The following PAPSS1 variants were observed in gnomAD, a reference collection of about 807,000 sequenced individuals.
PAPSS1 encodes the protein 3'-phosphoadenosine 5'-phosphosulfate synthase 1.
A neutral mutation model predicts 72.0 loss-of-function variants in PAPSS1; 50 were observed. That is an observed-to-expected ratio of 0.69 (90% CI 0.55 to 0.88). The LOEUF (loss-of-function observed/expected upper bound fraction) is 0.88. Among genes scored for constraint, PAPSS1 ranks in the 40% least tolerant of loss-of-function variants. PAPSS1 has a pLI of 0.00. For missense variants in PAPSS1, 657 were observed against 782.2 expected (o/e 0.84, Z 1.91); for synonymous variants, 261 against 263.6 (o/e 0.99, Z 0.09).
intron 1 of PAPSS1, among the ~76,000 whole-genome samples, chr4:107,713,351 C>T (rs540457658): frequency 2.6e-5 from 4 of 152,224 alleles, no homozygotes; most frequent in Admixed American, 1.3e-4. Context: ...TGGGGAATGA[C>T]TACTAATGGG....
intron 9 of PAPSS1, among the ~76,000 whole-genome samples, chr4:107,648,362 G>A (rs1049993356): frequency 2.0e-5 from 3 of 152,146 alleles, no homozygotes; most frequent in South Asian, 2.1e-4. Context: ...AGTGCAGAGC[G>A]ACCCAGACTC....
intron 11 of PAPSS1, among the ~76,000 whole-genome samples, chr4:107,628,625 T>A (rs1200997299): frequency 6.6e-6 from 1 of 152,256 alleles, no homozygotes; most frequent in African/African-American, 2.4e-5. Context: ...GCTTGTTGTA[T>A]TATCTGTTTG....
chr4:107,626,873 A>G (rs1726113965), intron 11 of PAPSS1, among the ~76,000 whole-genome samples: 1 of 152,226 alleles, frequency 6.6e-6, no homozygotes, highest in Admixed American at 6.5e-5. Flanking sequence ...AAAAGTTAGA[A>G]AACTAAGGCA....
chr4:107,673,426 G>C (rs953677101), intron 5 of PAPSS1, among the ~76,000 whole-genome samples: 1 of 152,190 alleles, frequency 6.6e-6, no homozygotes. Flanking sequence ...AGAAGCCTCA[G>C]TAGCCGATTC....
intron 1 of PAPSS1, among the ~76,000 whole-genome samples, chr4:107,719,344 T>C (rs1723716676): frequency 6.6e-6 from 1 of 152,132 alleles, no homozygotes; most frequent in Non-Finnish European, 1.5e-5. Flanking sequence ...GCTGCACACT[T>C]ACAAAGGAAG....
At position 107,660,021 on chromosome 4, in the gene PAPSS1, C is replaced by G; in HGVS notation, c.721G>C (p.Glu241Gln). 6.2e-7 allele frequency: 1 copy of G among 1,607,740 alleles called. No homozygotes were observed. Among genetic ancestry groups the G allele is most frequent in the Non-Finnish European group, 8.5e-7 (1 of 1,176,336 alleles). The change falls in exon 6 of 12, where the codon GAA becomes CAA. Residue 241 changes from glutamate (E) to glutamine (Q), a missense_variant. Glu to Gln is a conservative substitution (Grantham distance 29). Coordinates refer to ENST00000265174, the MANE Select transcript of PAPSS1 (RefSeq NM_005443.5). ...SYEVKELYVPENKLHLAKTDA... is the reference protein window; with the variant it reads ...SYEVKELYVPQNKLHLAKTDA... ...GTTTTTGCCAAATGAAGTTTATTTT[C>G]TGGCACATATAGTTCTTTTACTTCA...
chr4:107,700,779 T>G (rs1212847810), intron 2 of PAPSS1, among the ~76,000 whole-genome samples: 2 of 152,186 alleles, frequency 1.3e-5, no homozygotes, highest in Non-Finnish European at 2.9e-5. Context: ...TCCAGAACTA[T>G]GAGAAATAAA....
intron 1 of PAPSS1, among the ~76,000 whole-genome samples, chr4:107,707,292 G>A (rs1723362098): frequency 6.6e-6 from 1 of 152,148 alleles, no homozygotes; most frequent in Non-Finnish European, 1.5e-5. Context: ...GCCTGCCTGT[G>A]ACAGCCAGCC....
intron 11 of PAPSS1, among the ~76,000 whole-genome samples, chr4:107,621,066 CTG>C (rs1187969910): frequency 3.3e-5 from 5 of 152,124 alleles, no homozygotes. Context: ...AAACTATACT[CTG>C]TGTTTTTAAG....
At chr4:107,661,053 A>C (rs991681040) in intron 5 of PAPSS1, among the ~76,000 whole-genome samples, 1 of 152,246 alleles carries the variant, frequency 6.6e-6, no homozygotes, top group African/African-American at 2.4e-5. Context: ...AAAAGACCTG[A>C]ATAGACATCT....
chr4:107,681,883 A>T, intron 5 of PAPSS1, 132 bp downstream of exon 5: 1 of 585,440 alleles, frequency 1.7e-6, no homozygotes, highest in Non-Finnish European at 3.1e-6. Context: ...GACACAGAAC[A>T]CTGTTGGCAT....
chr4:107,615,090 TTTTTC>T (rs1240001610), intron 11 of PAPSS1, among the ~76,000 whole-genome samples: 1 of 97,870 alleles, frequency 1.0e-5, no homozygotes, highest in Non-Finnish European at 2.4e-5. Flanking sequence ...AATTGAATTT[TTTTTC>T]TTCTGGAACA....
chr4:107,705,387 C>A (rs2726170), intron 1 of PAPSS1, among the ~76,000 whole-genome samples: 126,098 of 152,106 alleles, frequency 0.83, 54,000 homozygotes, highest in South Asian at 0.95. Context: ...TTGATAGTTC[C>A]AAAGTGTGGC....
Position 107,654,772 on chromosome 4 carries a change from C to G in PAPSS1, c.1024G>C (p.Glu342Gln), listed in dbSNP as rs1213591395. 1.2e-6 allele frequency: 2 copies of G among 1,613,948 alleles called. No homozygotes were observed. The highest frequency in any genetic ancestry group is 1.3e-5 in the African/African-American group (1 of 75,032). ...TCCTCTTTCCTGTGCTCAAAAAACTCTGGATTGCGAAGAATGGCCACACGG... is the reference window on the plus strand; with the variant it reads ...TCCTCTTTCCTGTGCTCAAAAAACTGTGGATTGCGAAGAATGGCCACACGG... ...GRRVAILRNP[E>Q]FFEHRKEERC... The change falls in exon 8 of 12, where the codon GAG becomes CAG. Residue 342 changes from glutamate (E) to glutamine (Q), a missense_variant. Glu to Gln is a conservative substitution (Grantham distance 29, BLOSUM62 2). Around this residue, in one of 7 missense-constraint regions of PAPSS1, gnomAD observed 190 missense variants for 176.7 expected, o/e 1.07. Transcript: ENST00000265174.
intron 10 of PAPSS1, among the ~76,000 whole-genome samples, chr4:107,633,724 C>T (rs1726282743): frequency 6.6e-6 from 1 of 151,782 alleles, no homozygotes; most frequent in Non-Finnish European, 1.5e-5. Flanking sequence ...TTGAGACCAT[C>T]CTGGCTAACA....
chr4:107,665,600 G>C (rs1399945435), intron 5 of PAPSS1, among the ~76,000 whole-genome samples: 2 of 152,044 alleles, frequency 1.3e-5, no homozygotes, highest in Non-Finnish European at 2.9e-5. Flanking sequence ...GGGTAAAGGG[G>C]GCTCAGGGAG....
intron 11 of PAPSS1, among the ~76,000 whole-genome samples, chr4:107,623,078 T>C (rs1726009944): frequency 6.6e-6 from 1 of 152,220 alleles, no homozygotes; most frequent in South Asian, 2.1e-4. Context: ...CATATGATAC[T>C]GATACATGCC....
chr4:107,656,791 C>T, intron 7 of PAPSS1, 105 bp downstream of exon 7: 1 of 755,782 alleles, frequency 1.3e-6, no homozygotes, highest in Non-Finnish European at 2.3e-6. Flanking sequence ...AATGCTACCT[C>T]TATTAAGACG....
At chr4:107,620,918 C>A (rs1725937396) in intron 11 of PAPSS1, among the ~76,000 whole-genome samples, 1 of 152,184 alleles carries the variant, frequency 6.6e-6, no homozygotes, top group South Asian at 2.1e-4. Flanking sequence ...CTATATAAGA[C>A]ATATAGCTTT....
Sources: allele counts gnomAD v4.1 joint callset (sites outside exome capture counted in the v4.1 genomes callset), GRCh38; gene constraint gnomAD v4.1.1; regional missense constraint gnomAD v4.1.1; transcripts MANE v1.5; gene names NCBI Gene and HGNC (gene_info 2026-07-23, HGNC 2026-07-21).